Variants in CAMK2D observed in about 807,000 individuals in gnomAD.
The protein encoded by CAMK2D is calcium/calmodulin dependent protein kinase II delta.
Under a neutral mutation model 84.0 loss-of-function variants are expected in CAMK2D, and 37 were observed. The observed-to-expected ratio is 0.44, with a 90% CI of 0.34 to 0.58. CAMK2D has a LOEUF of 0.58. Among genes scored for constraint, CAMK2D ranks in the 20% least tolerant of loss-of-function variants. CAMK2D has a pLI of 0.02. For synonymous variants in CAMK2D, 202 were observed against 212.5 expected (o/e 0.95, Z 0.43); for missense variants, 448 against 652.5 (o/e 0.69, Z 3.41).
chr4:113,637,486 T>A (rs951756105), intron 3 of CAMK2D, among the ~76,000 whole-genome samples: 13 of 152,168 alleles, frequency 8.5e-5, no homozygotes, highest in Non-Finnish European at 1.6e-4. Context: ...CATTAGCAAG[T>A]TTCATAAACT....
At chr4:113,483,351 A>G (rs894258249) in intron 16 of CAMK2D, among the ~76,000 whole-genome samples, 11 of 151,302 alleles carry the variant, frequency 7.3e-5, no homozygotes, top group African/African-American at 2.7e-4. Context: ...CATGTGTTAC[A>G]TTCATCTGAA....
chr4:113,489,450 T>C (rs1222137699), intron 16 of CAMK2D, among the ~76,000 whole-genome samples: 1 of 151,988 alleles, frequency 6.6e-6, no homozygotes, highest in Non-Finnish European at 1.5e-5. Context: ...TTCATCCATG[T>C]CCCTACAAAG....
intron 6 of CAMK2D, among the ~76,000 whole-genome samples, chr4:113,541,118 T>C (rs114693852): frequency 2.6e-5 from 4 of 152,330 alleles, no homozygotes; most frequent in African/African-American, 9.6e-5. Flanking sequence ...TTGAAACTGT[T>C]CAAATGACTC....
At chr4:113,704,717 G>A (rs67769856) in intron 2 of CAMK2D, among the ~76,000 whole-genome samples, 27,467 of 151,774 alleles carry the variant, frequency 0.18, 4,665 homozygotes, top group African/African-American at 0.45. Flanking sequence ...AAAGCCCACC[G>A]TGAATCCACA....
At chr4:113,739,205 TA>T (rs1251022394) in intron 2 of CAMK2D, among the ~76,000 whole-genome samples, 1 of 152,188 alleles carries the variant, frequency 6.6e-6, no homozygotes, top group Non-Finnish European at 1.5e-5. Flanking sequence ...CAATGAATCC[TA>T]AATGTACTCT....
Position 113,627,940 on chromosome 4 carries a change from C to T in CAMK2D, c.221-18734G>A, listed in dbSNP as rs546991998. ...AATTTTCCAAGAGCAGGCAAACTTG[C>T]AGTTACAGAAACCACAAATAATGAA... On this transcript the variant is annotated intron_variant, in intron 3 of 20. Coordinates refer to ENST00000511664, the MANE Select transcript of CAMK2D (RefSeq NM_001321571.2). Among the ~76,000 whole-genome samples the T allele has an allele frequency of 8.9e-4, 135 of 152,304 alleles. 1 individual carries two copies. Among genetic ancestry groups the T allele is most frequent in the African/African-American group, 3.2e-3 (131 of 41,584 alleles).
chr4:113,757,353 G>A (rs1391230884), intron 2 of CAMK2D, among the ~76,000 whole-genome samples: 1 of 152,040 alleles, frequency 6.6e-6, no homozygotes, highest in Non-Finnish European at 1.5e-5. Flanking sequence ...ACCCTATGAG[G>A]AAGGGTTCTG....
chr4:113,732,533 G>A (rs866313986), intron 2 of CAMK2D, among the ~76,000 whole-genome samples: 2 of 152,038 alleles, frequency 1.3e-5, no homozygotes, highest in African/African-American at 4.8e-5. Context: ...AAACAAATTT[G>A]ACTTTAATCA....
intron 2 of CAMK2D, among the ~76,000 whole-genome samples, chr4:113,668,823 GTAAA>G (rs1231621837): frequency 6.6e-6 from 1 of 152,054 alleles, no homozygotes; most frequent in African/African-American, 2.4e-5. Context: ...TGTAAAATTT[GTAAA>G]TAAATAAAAT....
chr4:113,657,479 G>A (rs909883309), intron 3 of CAMK2D, among the ~76,000 whole-genome samples: 1 of 151,942 alleles, frequency 6.6e-6, no homozygotes, highest in African/African-American at 2.4e-5. Context: ...ATCTAAAGGG[G>A]TATGAAAATG....
chr4:113,612,223 A>G (rs1252915921), intron 3 of CAMK2D, among the ~76,000 whole-genome samples: 1 of 152,160 alleles, frequency 6.6e-6, no homozygotes, highest in Admixed American at 6.6e-5. Flanking sequence ...GGTATGTCTA[A>G]ACGGTCTGGA....
intron 3 of CAMK2D, among the ~76,000 whole-genome samples, chr4:113,651,651 T>C (rs2099173121): frequency 1.3e-5 from 2 of 152,186 alleles, no homozygotes; most frequent in Non-Finnish European, 2.9e-5. Context: ...TTTCTTTTTC[T>C]ACAATGTAAA....
chr4:113,509,667 T>C lies in CAMK2D; in HGVS notation c.955A>G (p.Ser319Gly), dbSNP rs1207731980. ...LATRNFSAAK[S>G]LLKKPDGVKI... is the part of the protein sequence containing the mutation. Reference sequence around the variant, plus strand: ...ACTCCATCTGGTTTCTTCAACAAACTCTTGGCTGCTGTAAAATGAGAGTAA... The same window carrying C: ...ACTCCATCTGGTTTCTTCAACAAACCCTTGGCTGCTGTAAAATGAGAGTAA... Residue 319 changes from serine to glycine, a missense_variant, in exon 13 of 21, where the codon AGT (serine) becomes GGT (glycine). Physicochemically the swap from Ser to Gly is moderately conservative, Grantham distance 56 (BLOSUM62 0). Transcript: ENST00000511664. The C allele has an allele frequency of 1.9e-6, 3 of 1,608,796 alleles. No individual in the cohort carries two copies. Among genetic ancestry groups the C allele is most frequent in the Admixed American group, 1.7e-5 (1 of 60,010 alleles).
chr4:113,696,468 A>C (rs980689023), intron 2 of CAMK2D, among the ~76,000 whole-genome samples: 1 of 152,058 alleles, frequency 6.6e-6, no homozygotes, highest in African/African-American at 2.4e-5. Flanking sequence ...AGAGAGATGA[A>C]TTAAAGTCTC....
At chr4:113,753,374 A>C (rs999059882) in intron 2 of CAMK2D, among the ~76,000 whole-genome samples, 4 of 151,958 alleles carry the variant, frequency 2.6e-5, no homozygotes, top group African/African-American at 9.7e-5. Context: ...AGACTGTAAC[A>C]CCAGAAAAGG....
chr4:113,532,809 T>C (rs1434468697), intron 7 of CAMK2D, among the ~76,000 whole-genome samples: 2 of 152,176 alleles, frequency 1.3e-5, no homozygotes, highest in Admixed American at 1.3e-4. Flanking sequence ...CTTTTAAAAA[T>C]GGCCTTCTCA....
At chr4:113,470,171 CTT>C (rs71582180) in intron 16 of CAMK2D, among the ~76,000 whole-genome samples, 50,836 of 151,810 alleles carry the variant, frequency 0.33, 8,776 homozygotes, top group Middle Eastern at 0.4. Context: ...CATTCAGACT[CTT>C]TGACTTTATC....
chr4:113,696,566 T>C (rs2099403470), intron 2 of CAMK2D, among the ~76,000 whole-genome samples: 1 of 152,128 alleles, frequency 6.6e-6, no homozygotes, highest in African/African-American at 2.4e-5. Context: ...TATCTATTGA[T>C]AATAGCTATT....
At chr4:113,580,916 G>T (rs2098805196) in intron 4 of CAMK2D, among the ~76,000 whole-genome samples, 1 of 122,428 alleles carries the variant, frequency 8.2e-6, no homozygotes, top group Non-Finnish European at 1.6e-5. Context: ...TGGAATGTGG[G>T]GTAGGGTGGG....
Sources: gnomAD v4.1 joint callset for allele counts (sites outside exome capture counted in the v4.1 genomes callset) on GRCh38, gnomAD v4.1.1 for gene constraint, MANE v1.5 for transcripts, NCBI Gene and HGNC (gene_info 2026-07-23, HGNC 2026-07-21) for gene names.